The following TARDBP variants were observed in gnomAD, a reference collection of about 807,000 sequenced individuals.
The protein encoded by TARDBP is TAR DNA-binding protein 43.
TARDBP carries 4 observed loss-of-function variants against 38.3 expected under a neutral mutation model. The observed-to-expected ratio is 0.10, with a 90% CI of 0.05 to 0.24. The LOEUF (loss-of-function observed/expected upper bound fraction) is 0.24. TARDBP is among the 10% of genes least tolerant of loss of function. The pLI, the probability that TARDBP is intolerant of heterozygous loss-of-function variation, is 1.00. For missense variants in TARDBP, 202 were observed against 521.9 expected (o/e 0.39, Z 5.97); for synonymous variants, 184 against 183.8 (o/e 1.00, Z -0.01).
Position 11,013,981 on chromosome 1 carries a change from GT to G in TARDBP, c.238+21del. 1.9e-6 allele frequency: 3 copies of G among 1,613,516 alleles called. No individual in the cohort carries two copies. The highest frequency in any genetic ancestry group is 2.2e-5 in the South Asian group (2 of 91,026). On this transcript the variant is annotated intron_variant, in intron 2 of 5. Transcript: ENST00000240185. ...TATCCAAAAGGTTTGTTACCATTTG[GT>G]TTTTGTAATCATGCTGAAGTGTGTT...
At chr1:11,029,889 G>A, downstream of TARDBP, 1 of 218,440 alleles carries the variant, frequency 4.6e-6, no homozygotes, top group East Asian at 1.1e-4. Flanking sequence ...CTCCCAAAGT[G>A]CTGGGATTAC....
downstream of TARDBP, chr1:11,026,967 C>A: frequency 6.4e-7 from 1 of 1,559,014 alleles, no homozygotes; most frequent in South Asian, 1.2e-5. Context: ...TGCTTCCCCA[C>A]AATTCATGGA....
At chr1:11,019,842 A>G (rs1643601024) in intron 4 of TARDBP, among the ~76,000 whole-genome samples, 1 of 149,728 alleles carries the variant, frequency 6.7e-6, no homozygotes, top group African/African-American at 2.5e-5. Context: ...CTGGGATTAC[A>G]GGTGTGAGCC....
chr1:11,026,978 A>G, downstream of TARDBP: 1 of 1,569,818 alleles, frequency 6.4e-7, no homozygotes, highest in Non-Finnish European at 8.6e-7. Flanking sequence ...AATTCATGGA[A>G]CCCCAGGACA....
At chr1:11,021,134 T>C (rs1643628807) in intron 5 of TARDBP, among the ~76,000 whole-genome samples, 7 of 151,768 alleles carry the variant, frequency 4.6e-5, no homozygotes, top group Middle Eastern at 3.4e-3. Context: ...TTGGGAATGT[T>C]ATATACTTTT....
intron 1 of TARDBP, among the ~76,000 whole-genome samples, chr1:11,013,320 C>G (rs1024932804): frequency 6.6e-6 from 1 of 152,246 alleles, no homozygotes. Context: ...CTATCACGCC[C>G]ATGCCTCAGC....
chr1:11,016,279 T>C (rs1315416197), intron 2 of TARDBP: 2 of 153,328 alleles, frequency 1.3e-5, no homozygotes, highest in Non-Finnish European at 2.9e-5. Context: ...TGGTTTCTTT[T>C]TCTTTTTTGA....
chr1:11,018,677 G>GA, intron 3 of TARDBP, 56 bp from the exon 4 acceptor site: 1 of 1,612,758 alleles, frequency 6.2e-7, no homozygotes, highest in Non-Finnish European at 8.5e-7. Flanking sequence ...TATGATTTGG[G>GA]AATGGAGTGT....
intron 5 of TARDBP, among the ~76,000 whole-genome samples, 200 bp from the exon 6 acceptor site, chr1:11,021,922 CTT>C (rs1643646785): frequency 6.6e-6 from 1 of 152,182 alleles, no homozygotes; most frequent in Admixed American, 6.5e-5. Context: ...CAGCCTATGT[CTT>C]TTGAAAATCG....
Position 11,024,961 on chromosome 1 carries a change from A to G in TARDBP, c.*2307A>G, listed in dbSNP as rs898730757. 2.0e-5 allele frequency: 3 copies of G among 152,382 alleles called. No homozygotes were observed. The highest frequency in any genetic ancestry group is 4.8e-5 in the African/African-American group (2 of 41,362). 9.4% of individuals were successfully genotyped at this position (152,382 alleles called of 1,614,324 possible). A position where few individuals can be genotyped will look rare whatever the true frequency, so the allele number is the denominator to read the frequency against. On this transcript the variant is annotated 3_prime_UTR_variant, in exon 6 of 6. Transcript: ENST00000240185. ...TTGCAAGTTACATAAACATTTATCA[A>G]TGAAGTCATCCTTTAGACTTGTAAT...
At chr1:11,027,037 G>A (rs752089778), downstream of TARDBP, 3 of 1,595,894 alleles carry the variant, frequency 1.9e-6, no homozygotes, top group South Asian at 2.3e-5. Flanking sequence ...AGAAACACCA[G>A]TGCCCCTCCG....
Position 11,024,862 on chromosome 1 carries a change from ATG to A in TARDBP, c.*2211_*2212del, listed in dbSNP as rs1464219770. 1 of 152,670 alleles carries A rather than the reference ATG, an allele frequency of 6.6e-6. No individual in the cohort carries two copies. Among genetic ancestry groups the A allele is most frequent in the Admixed American group, 6.5e-5 (1 of 15,278 alleles). 9.5% of individuals were successfully genotyped at this position (152,670 alleles called of 1,614,324 possible). ...TTGAGCTCATTTTCTAGTTGGAAGAATGTGATATTTGTTGTGTTGGTAGTTTA... is the reference window on the plus strand; with the variant it reads ...TTGAGCTCATTTTCTAGTTGGAAGAATGATATTTGTTGTGTTGGTAGTTTA... On this transcript the variant is annotated 3_prime_UTR_variant, in exon 6 of 6. Transcript: ENST00000240185.
intron 3 of TARDBP, chr1:11,018,504 A>G (rs1643574060): frequency 6.8e-6 from 4 of 592,260 alleles, no homozygotes; most frequent in Admixed American, 6.1e-5. Context: ...TCTCTTTTTT[A>G]AAAAACTCAA....
chr1:11,014,513 C>G (rs1643476367), intron 2 of TARDBP, among the ~76,000 whole-genome samples: 1 of 152,162 alleles, frequency 6.6e-6, no homozygotes, highest in Admixed American at 6.5e-5. Flanking sequence ...CAAGGAAATA[C>G]CTAATTTCAG....
chr1:11,020,250 C>G (rs1343777272), intron 4 of TARDBP, among the ~76,000 whole-genome samples, 179 bp from the exon 5 acceptor site: 3 of 152,200 alleles, frequency 2.0e-5, no homozygotes, highest in Non-Finnish European at 4.4e-5. Context: ...TAAAACGTTA[C>G]TCTTCACTGA....
chr1:11,019,079 T>C, intron 4 of TARDBP: 1 of 632,210 alleles, frequency 1.6e-6, no homozygotes. Flanking sequence ...AAACTAAACC[T>C]TTGTTCATTT....
intron 2 of TARDBP, chr1:11,016,387 T>C (rs1643526297): frequency 1.1e-5 from 2 of 184,374 alleles, no homozygotes; most frequent in Admixed American, 1.1e-4. Flanking sequence ...AAGTCGTCCT[T>C]CCTCCTCAGC....
chr1:11,024,904 C>T lies in TARDBP; in HGVS notation c.*2250C>T, dbSNP rs1643703427. The T allele has an allele frequency of 6.6e-6, 1 of 151,508 alleles. No homozygotes were observed. The highest frequency in any genetic ancestry group is 2.4e-5 in the African/African-American group (1 of 40,934). The allele number at this position is 151,508 out of a possible 1,614,324, so 9.4% of individuals were successfully genotyped here. A position where few individuals can be genotyped will look rare whatever the true frequency, so the allele number is the denominator to read the frequency against. On this transcript the variant is annotated 3_prime_UTR_variant, in exon 6 of 6. Coordinates refer to ENST00000240185, the MANE Select transcript of TARDBP (RefSeq NM_007375.4). ...TTGGTAGTTTACCTAATGCCCTTAC[C>T]TAATTAGATTATGATAAATAGGTTT...
chr1:11,029,605 T>C (rs1643806390), downstream of TARDBP: 1 of 149,912 alleles, frequency 6.7e-6, no homozygotes, highest in Admixed American at 6.7e-5. Flanking sequence ...TTTATAAATG[T>C]ATAAGTTGGT....
Sources: allele counts gnomAD v4.1 joint callset (sites outside exome capture counted in the v4.1 genomes callset), GRCh38; gene constraint gnomAD v4.1.1; transcripts MANE v1.5; gene names NCBI Gene and HGNC (gene_info 2026-07-23, HGNC 2026-07-21).